NPC1: variants seen among roughly 807,000 people sequenced by gnomAD.
NPC1 encodes the protein NPC intracellular cholesterol transporter 1, also known as Niemann-Pick C1 protein.
NPC1 carries 85 observed loss-of-function variants against 140.4 expected under a neutral mutation model. That is an observed-to-expected ratio of 0.61 (90% CI 0.51 to 0.72). The LOEUF is 0.72. NPC1 is among the 30% of genes least tolerant of loss of function. The pLI is 0.00. For synonymous variants in NPC1, 656 were observed against 624.8 expected (o/e 1.05, Z -0.74); for missense variants, 1,504 against 1,623.8 (o/e 0.93, Z 1.27).
intron 6 of NPC1, 88 bp downstream of exon 6, chr18:23,560,142 TA>T: frequency 6.5e-7 from 1 of 1,532,796 alleles, no homozygotes; most frequent in Non-Finnish European, 9.0e-7. Context: ...TTTCTTGTCC[TA>T]AGTAACCAAG....
At chr18:23,555,454 A>G (rs569672394) in intron 8 of NPC1, among the ~76,000 whole-genome samples, 28 of 152,358 alleles carry the variant, frequency 1.8e-4, no homozygotes, top group African/African-American at 6.5e-4. Flanking sequence ...TATGCTGTTC[A>G]CCTTCAGCAA....
chr18:23,529,155 T>C (rs1460204800), downstream of NPC1: 2 of 1,604,478 alleles, frequency 1.2e-6, no homozygotes, highest in Non-Finnish European at 1.7e-6. Flanking sequence ...CCGAAGATCA[T>C]AGTTTGTGGT....
intron 9 of NPC1, among the ~76,000 whole-genome samples, chr18:23,553,576 T>C (rs922009129): frequency 6.6e-6 from 1 of 152,180 alleles, no homozygotes; most frequent in Non-Finnish European, 1.5e-5. Context: ...GGCTGAGCAG[T>C]GTCCTTAAAG....
At chr18:23,512,532 C>G (rs758261856) in intron 3 of NPC1, among the ~76,000 whole-genome samples, 1 of 151,976 alleles carries the variant, frequency 6.6e-6, no homozygotes, top group Non-Finnish European at 1.5e-5. Context: ...GTAGTCCTCC[C>G]ACCTCAGCTT....
At chr18:23,564,603 G>T (rs2059095188) in intron 4 of NPC1, among the ~76,000 whole-genome samples, 2 of 152,208 alleles carry the variant, frequency 1.3e-5, no homozygotes, top group Non-Finnish European at 2.9e-5. Flanking sequence ...GATAACAGGT[G>T]TGAGTCACTG....
In NPC1 at chr18:23,545,066, T is replaced by C. The variant is rs1238104396; in HGVS notation, c.1841A>G (p.Asn614Ser). The stretch of plus-strand genomic sequence containing the variant: ...GAAGACATCACTGTCACTTTCACGA[T>C]TTAGTTCATCTTCAATACTTCGTTC... Reference protein sequence around the residue: ...TAERSIEDELNRESDSDVFTV... With the variant: ...TAERSIEDELSRESDSDVFTV... Residue 614 changes from asparagine to serine, a missense_variant, in exon 12 of 25, where the codon AAT (asparagine) becomes AGT (serine). By Grantham distance (46) the Asn-to-Ser change is conservative. Transcript: ENST00000269228. The C allele has an allele frequency of 6.2e-7, 1 of 1,612,076 alleles. No individual in the cohort carries two copies. The highest frequency in any genetic ancestry group is 1.3e-5 in the African/African-American group (1 of 74,926).
rs778867900 is a variant in NPC1 at position 23,569,324 on chromosome 18, CAAT to C, written c.288-329_288-327del. Among the ~76,000 whole-genome samples, 3 of 152,028 alleles carry C rather than the reference CAAT, an allele frequency of 2.0e-5. No individual in the cohort carries two copies. The East Asian group carries it at 5.8e-4, about 29-fold the overall frequency. Reference sequence around the variant, plus strand: ...AAGGGACTTTGGAGCATCAGGAAGACAATTATTATTATTTTTTGAGAAAGGGTC... The same window carrying C: ...AAGGGACTTTGGAGCATCAGGAAGACTATTATTATTTTTTGAGAAAGGGTC... On this transcript the variant is annotated intron_variant, in intron 3 of 24. Transcript: ENST00000269228.
At chr18:23,569,534 A>T (rs1465728931) in intron 3 of NPC1, among the ~76,000 whole-genome samples, 2 of 152,118 alleles carry the variant, frequency 1.3e-5, no homozygotes, top group African/African-American at 2.4e-5. Flanking sequence ...GTTGCCCAGG[A>T]TGGTCTCAAA....
rs1057517194 is a variant in NPC1, at chr18:23,535,636, C to CA, written c.3309dup (p.Val1104CysfsTer17). The CA allele has an allele frequency of 6.2e-7, 1 of 1,614,042 alleles. No individual in the cohort carries two copies. The highest frequency in any genetic ancestry group is 1.3e-5 in the African/African-American group (1 of 74,910). ...ACCAGAAATATCGCGCCCAGGGACA[C>CA]ACCGAGGTTGAAGATAGTGTCGTCA... On this transcript the variant is annotated frameshift_variant, in exon 22 of 25. Coordinates refer to ENST00000269228, the MANE Select transcript of NPC1 (RefSeq NM_000271.5). LOFTEE classifies it high-confidence loss of function.
chr18:23,539,325 A>T, intron 19 of NPC1, 30 bp downstream of exon 19: 1 of 1,520,466 alleles, frequency 6.6e-7, no homozygotes, highest in Non-Finnish European at 9.1e-7. Context: ...TTTCAGCAAA[A>T]CAGGAAAGAT....
intron 9 of NPC1, among the ~76,000 whole-genome samples, chr18:23,552,680 C>T (rs1165051837): frequency 2.0e-5 from 3 of 152,186 alleles, no homozygotes; most frequent in African/African-American, 7.2e-5. Flanking sequence ...CATTTTCGGA[C>T]AGACCATCAG....
At position 23,586,411 on chromosome 18, in the gene NPC1, A is replaced by G; in HGVS notation, c.-68T>C. ...GGTTGGGCTCCCCGGAGGCGGCTCTACTTCCCCGGGCTGTTTCAGCACCCC... is the reference window on the plus strand; with the variant it reads ...GGTTGGGCTCCCCGGAGGCGGCTCTGCTTCCCCGGGCTGTTTCAGCACCCC... On this transcript the variant is annotated 5_prime_UTR_variant, in exon 1 of 25. Coordinates refer to ENST00000269228, the MANE Select transcript of NPC1 (RefSeq NM_000271.5). 2 of 1,527,812 alleles carry G rather than the reference A, an allele frequency of 1.3e-6. No individual in the cohort carries two copies. The highest frequency in any genetic ancestry group is 1.4e-5 in the African/African-American group (1 of 72,124). The allele number at this position is 1,527,812 out of a possible 1,614,324, so 94.6% of individuals were successfully genotyped here.
chr18:23,569,192 TTAC>T (rs1185453255), intron 3 of NPC1, among the ~76,000 whole-genome samples, 194 bp from the exon 4 acceptor site: 1 of 152,224 alleles, frequency 6.6e-6, no homozygotes, highest in African/African-American at 2.4e-5. Context: ...AATGCCCTAA[TTAC>T]TTTCTGCATT....
At chr18:23,557,065 C>T in intron 7 of NPC1, 52 bp downstream of exon 7, 10 of 1,452,164 alleles carry the variant, frequency 6.9e-6, no homozygotes, top group Non-Finnish European at 8.7e-6. Context: ...CGAATGCTCT[C>T]ATGACAGACA....
In NPC1 at chr18:23,540,530, A is replaced by T. The variant is rs1363313204; in HGVS notation, c.2522T>A (p.Ile841Lys). 18 of 1,609,652 alleles carry T rather than the reference A, an allele frequency of 1.1e-5. No individual in the cohort carries two copies. The highest frequency in any genetic ancestry group is 1.5e-5 in the Non-Finnish European group (18 of 1,176,122). The change falls in exon 17 of 25, where the codon ATA (isoleucine) becomes AAA (lysine). Residue 841 changes from isoleucine to lysine, a missense_variant. Physicochemically the swap from Ile to Lys is moderately radical, Grantham distance 102 (BLOSUM62 -3). Transcript: ENST00000269228. ...GCTGAATGACAGAACACCCACAAAT[A>T]TTGCTATCTGGAACAACAAATGAAT... is the stretch of plus-strand genomic sequence containing the variant. The part of the protein sequence containing the change: ...KDWMRPIVIA[I>K]FVGVLSFSIA...
At chr18:23,518,205 A>G (rs1271483437), downstream of NPC1, among the ~76,000 whole-genome samples, 3 of 152,210 alleles carry the variant, frequency 2.0e-5, no homozygotes, top group Non-Finnish European at 4.4e-5. Flanking sequence ...CTTAAATAGA[A>G]AAGGCTGAGC....
chr18:23,568,453 A>AC (rs2059156837), intron 4 of NPC1, among the ~76,000 whole-genome samples: 1 of 152,044 alleles, frequency 6.6e-6, no homozygotes, highest in African/African-American at 2.4e-5. Context: ...GCAAGTCATG[A>AC]CCTCTTCTCT....
At chr18:23,514,162 G>C (rs994534974) in intron 3 of NPC1, among the ~76,000 whole-genome samples, 1 of 152,202 alleles carries the variant, frequency 6.6e-6, no homozygotes, top group Non-Finnish European at 1.5e-5. Context: ...TGTATGGTTA[G>C]AGAAAATACA....
At chr18:23,520,268 G>C (rs146723809), downstream of NPC1, 60 of 1,613,898 alleles carry the variant, frequency 3.7e-5, no homozygotes, top group African/African-American at 6.8e-4. Flanking sequence ...CCACCACCCC[G>C]TGCTTCCCGC....
Sources: allele counts gnomAD v4.1 joint callset (sites outside exome capture counted in the v4.1 genomes callset), GRCh38; gene constraint gnomAD v4.1.1; transcripts MANE v1.5; gene names NCBI Gene and HGNC (gene_info 2026-07-23, HGNC 2026-07-21).